Variants in PAICS observed in about 807,000 individuals in gnomAD.
PAICS encodes bifunctional phosphoribosylaminoimidazole carboxylase/phosphoribosylaminoimidazole succinocarboxamide synthetase.
A neutral mutation model predicts 53.7 loss-of-function variants in PAICS; 33 were observed. The ratio of observed to expected loss-of-function variants is 0.61; its 90% CI spans 0.47 to 0.82. The LOEUF (loss-of-function observed/expected upper bound fraction) is 0.82, where lower values mean the gene tolerates loss of function less well. Among genes scored for constraint, PAICS ranks in the 40% least tolerant of loss-of-function variants. The pLI is 0.00. For synonymous variants in PAICS, 141 were observed against 167.2 expected, an observed-to-expected ratio of 0.84 and a Z score of 1.21; for missense variants, 394 against 494.1, an observed-to-expected ratio of 0.80 and a Z score of 1.92.
intron 1 of PAICS, among the ~76,000 whole-genome samples, chr4:56,438,371 T>TTATA (rs61681463): frequency 0.065 from 7,340 of 113,056 alleles, 290 homozygotes; most frequent in Non-Finnish European, 0.075. Flanking sequence ...TGCAATGTGT[T>TTATA]TATATATATA....
rs1484826352 is a variant in PAICS at position 56,462,397 on chromosome 4, T to G, written c.*2859T>G. On this transcript the variant is annotated 3_prime_UTR_variant, in exon 9 of 9. Coordinates refer to ENST00000512576, the MANE Select transcript of PAICS (RefSeq NM_001079524.2). ...GAAGTGTGACAGGAAAAACTCAGTT[T>G]GAGCAGAGGCTTGACATACTTAACA... The G allele has an allele frequency of 6.6e-6, 1 of 152,224 alleles. No individual in the cohort carries two copies. The highest frequency in any genetic ancestry group is 1.9e-4 in the East Asian group (1 of 5,196). The allele number at this position is 152,224 out of a possible 1,614,324, so 9.4% of individuals were successfully genotyped here.
chr4:56,417,909 C>T, the PAICS span, among the ~76,000 whole-genome samples: 1 of 148,064 alleles, frequency 6.8e-6, no homozygotes, highest in East Asian at 2.0e-4. Context: ...GGTGCAATCT[C>T]GGCTCACTGC....
chr4:56,439,641 G>A (rs1376657288), intron 1 of PAICS, among the ~76,000 whole-genome samples: 2 of 151,974 alleles, frequency 1.3e-5, no homozygotes, highest in African/African-American at 4.8e-5. Flanking sequence ...CTTAGACCAA[G>A]ACATTTCTTT....
At chr4:56,444,100 T>A (rs1193939802) in intron 2 of PAICS, among the ~76,000 whole-genome samples, 1 of 152,130 alleles carries the variant, frequency 6.6e-6, no homozygotes, top group Non-Finnish European at 1.5e-5. Flanking sequence ...CAGTGGTCTA[T>A]TTAAAACTGT....
At chr4:56,427,103 A>C in the PAICS span, among the ~76,000 whole-genome samples, 1 of 152,184 alleles carries the variant, frequency 6.6e-6, no homozygotes, top group Non-Finnish European at 1.5e-5. Flanking sequence ...CATTGTATGG[A>C]TACACCATTT....
At chr4:56,435,220 G>A (rs1717834470), upstream of PAICS, 8 of 1,359,520 alleles carry the variant, frequency 5.9e-6, no homozygotes, top group South Asian at 8.0e-5. Flanking sequence ...CGACGCCACA[G>A]GCAGGTACTG....
chr4:56,429,026 A>G, the PAICS span: 2 of 855,274 alleles, frequency 2.3e-6, no homozygotes, highest in Non-Finnish European at 2.8e-6. Context: ...GAGAAATAAC[A>G]AGTTCTTCCA....
Position 56,459,606 on chromosome 4 carries a change from G to A in PAICS, c.*68G>A, listed in dbSNP as rs1039508718. ...TCTAATTTAGCTGAAGGAAAATCAAGCAAGATGAAAAGGTAATTTTAAATT... is the reference window on the plus strand; with the variant it reads ...TCTAATTTAGCTGAAGGAAAATCAAACAAGATGAAAAGGTAATTTTAAATT... On this transcript the variant is annotated 3_prime_UTR_variant, in exon 9 of 9. Coordinates refer to ENST00000512576, the MANE Select transcript of PAICS (RefSeq NM_001079524.2). 3.7e-5 allele frequency: 44 copies of A among 1,192,844 alleles called. No individual in the cohort carries two copies. The highest frequency in any genetic ancestry group is 5.1e-5 in the Non-Finnish European group (43 of 848,456). 73.9% of individuals were successfully genotyped at this position (1,192,844 alleles called of 1,614,324 possible).
At position 56,459,905 on chromosome 4, in the gene PAICS, TTTTTTGAGACAGGG is replaced by T. The variant is rs1719419624; in HGVS notation, c.*369_*382del. 1.8e-5 allele frequency: 3 copies of T among 164,710 alleles called. No homozygotes were observed. The South Asian group carries it at 4.7e-4, about 26-fold the overall frequency. The allele number at this position is 164,710 out of a possible 1,614,324, so 10.2% of individuals were successfully genotyped here. On this transcript the variant is annotated 3_prime_UTR_variant, in exon 9 of 9. Coordinates refer to ENST00000512576, the MANE Select transcript of PAICS (RefSeq NM_001079524.2). ...TCTCCAGACTTGCATTTTTTTTTTT[TTTTTTGAGACAGGG>T]TCTCACTGTCGCCCAGGCTGGAGTG... is the stretch of plus-strand genomic sequence containing the variant.
intron 1 of PAICS, among the ~76,000 whole-genome samples, chr4:56,437,713 C>G (rs1478144401): frequency 3.4e-5 from 5 of 148,112 alleles, no homozygotes; most frequent in Non-Finnish European, 7.4e-5. Flanking sequence ...CCTAGCTACT[C>G]GGGAACCTGA....
intron 2 of PAICS, among the ~76,000 whole-genome samples, chr4:56,446,185 A>T (rs934146415): frequency 5.9e-5 from 9 of 152,362 alleles, no homozygotes; most frequent in African/African-American, 2.2e-4. Context: ...TAAGTGTCCA[A>T]TTCAGTGGCA....
At position 56,436,657 on chromosome 4, in the gene PAICS, G is replaced by A. The variant is rs1336344560; in HGVS notation, c.16+329G>A. The A allele has an allele frequency of 5.0e-6, 3 of 600,750 alleles. No individual in the cohort carries two copies. In the Admixed American group the frequency reaches 6.5e-5, roughly 13 times the overall value. The allele number at this position is 600,750 out of a possible 1,614,324, so 37.2% of individuals were successfully genotyped here. A position where few individuals can be genotyped will look rare whatever the true frequency, so the allele number is the denominator to read the frequency against. On this transcript the variant is annotated intron_variant, in intron 1 of 8. Transcript: ENST00000512576. Reference sequence around the variant, plus strand: ...ACCTGAGTCTTGCTTTGCCCGTTAGGTTAATGACCTTTCTAAGAAGGTTAA... The same window carrying A: ...ACCTGAGTCTTGCTTTGCCCGTTAGATTAATGACCTTTCTAAGAAGGTTAA...
chr4:56,452,014 G>A lies in PAICS; in HGVS notation c.914G>A (p.Gly305Glu). ...CTTCGAGTAACATCTGCGCATAAAGGACCAGATGAAACTCTGAGGATTAAA... is the reference window on the plus strand; with the variant it reads ...CTTCGAGTAACATCTGCGCATAAAGAACCAGATGAAACTCTGAGGATTAAA... ...CELRVTSAHK[G>E]PDETLRIKAE... The change falls in exon 7 of 9, where the codon GGA becomes GAA. Residue 305 changes from glycine to glutamate, a missense_variant. By Grantham distance (98) the Gly-to-Glu change is moderately conservative. Around this residue, in one of 3 missense-constraint regions of PAICS, gnomAD observed 131 missense variants for 205.5 expected, o/e 0.64. Transcript: ENST00000512576. 6.2e-7 allele frequency: 1 copy of A among 1,609,194 alleles called. No homozygotes were observed. Among genetic ancestry groups the A allele is most frequent in the Non-Finnish European group, 8.5e-7 (1 of 1,177,500 alleles).
chr4:56,438,152 C>T (rs1374861060), intron 1 of PAICS, among the ~76,000 whole-genome samples: 1 of 151,840 alleles, frequency 6.6e-6, no homozygotes, highest in African/African-American at 2.4e-5. Flanking sequence ...TACTGCTATC[C>T]CTTCTACCTC....
chr4:56,449,805 C>CA (rs753536092), intron 5 of PAICS, among the ~76,000 whole-genome samples: 16,111 of 92,474 alleles, frequency 0.17, 1,200 homozygotes, highest in East Asian at 0.35. Context: ...AACCTTGTCT[C>CA]AAAAAAAAAA....
chr4:56,423,003 C>T, the PAICS span: 1 of 152,140 alleles, frequency 6.6e-6, no homozygotes, highest in Non-Finnish European at 1.5e-5. Flanking sequence ...AATCATTACC[C>T]TCTGGTATAG....
At chr4:56,425,698 TA>T in the PAICS span, among the ~76,000 whole-genome samples, 2 of 152,174 alleles carry the variant, frequency 1.3e-5, no homozygotes, top group South Asian at 4.1e-4. Context: ...AGCTTCAGGA[TA>T]GGGGGTAGTC....
intron 6 of PAICS, chr4:56,451,307 T>C (rs1718905445): frequency 6.5e-6 from 1 of 152,810 alleles, no homozygotes; most frequent in Non-Finnish European, 1.5e-5. Context: ...CCTGCACTGC[T>C]AGTCAGAGTT....
intron 7 of PAICS, among the ~76,000 whole-genome samples, chr4:56,452,298 C>T (rs1372614368): frequency 6.6e-6 from 1 of 152,150 alleles, no homozygotes; most frequent in Non-Finnish European, 1.5e-5. Flanking sequence ...CCTGCCTCAG[C>T]CTCCCAAGTA....
Sources: allele counts gnomAD v4.1 joint callset (sites outside exome capture counted in the v4.1 genomes callset), GRCh38; gene constraint gnomAD v4.1.1; regional missense constraint gnomAD v4.1.1; transcripts MANE v1.5; gene names NCBI Gene and HGNC (gene_info 2026-07-23, HGNC 2026-07-21).